TRMT61B: variants seen among roughly 807,000 people sequenced by gnomAD.
TRMT61B encodes the protein tRNA methyltransferase 61B.
A neutral mutation model predicts 52.0 loss-of-function variants in TRMT61B; 56 were observed. The observed-to-expected ratio is 1.08, with a 90% CI of 0.87 to 1.35. The LOEUF (loss-of-function observed/expected upper bound fraction) is 1.35, where lower values mean the gene tolerates loss of function less well. Among genes scored for constraint, TRMT61B ranks in the 40% most tolerant of loss-of-function variants. The probability of loss-of-function intolerance (pLI) is 0.00; values close to 1 mark genes in which losing one functional copy is unlikely to be tolerated. For synonymous variants in TRMT61B, 206 were observed against 220.0 expected, an observed-to-expected ratio of 0.94 and a Z score of 0.56; for missense variants, 650 against 577.9, an observed-to-expected ratio of 1.12 and a Z score of -1.28.
intron 2 of TRMT61B, among the ~76,000 whole-genome samples, chr2:28,862,713 G>A (rs548085267): frequency 4.6e-5 from 7 of 151,562 alleles, no homozygotes; most frequent in Admixed American, 1.3e-4. Context: ...ATTTGTGGCC[G>A]GATACAGTGG....
At position 28,870,283 on chromosome 2, in the gene TRMT61B, T is replaced by G. The variant is rs757120768; in HGVS notation, c.-6A>C. ...CGGCACCATGCCATTAGCATAGTGT[T>G]TCGCGAAGGCGCCGTCGCAGACGAG... On this transcript the variant is annotated 5_prime_UTR_variant, in exon 1 of 7. Transcript: ENST00000306108. 1 of 1,542,452 alleles carries G rather than the reference T, an allele frequency of 6.5e-7. No homozygotes were observed. The highest frequency in any genetic ancestry group is 1.4e-5 in the African/African-American group (1 of 72,834).
At position 28,851,053 on chromosome 2, in the gene TRMT61B, A is replaced by G. The variant is rs1350120913; in HGVS notation, c.1312+19T>C. ...TTCTCCATTCATTACTGCATGCATAAAGTAAAACTGAAGCTCACCATGGTC... is the reference window on the plus strand; with the variant it reads ...TTCTCCATTCATTACTGCATGCATAGAGTAAAACTGAAGCTCACCATGGTC... On this transcript the variant is annotated intron_variant, in intron 5 of 6. Transcript: ENST00000306108. 6.5e-7 allele frequency: 1 copy of G among 1,542,510 alleles called. No individual in the cohort carries two copies. The highest frequency in any genetic ancestry group is 8.8e-7 in the Non-Finnish European group (1 of 1,133,424).
In TRMT61B at chr2:28,865,923, C is replaced by T. The variant is rs188668470; in HGVS notation, c.700-804G>A. ...CTTGAACTCCTGACCTCAGGTGATC[C>T]GCTCGCCTCAGCCTCCCACAGTGCT... On this transcript the variant is annotated intron_variant, in intron 1 of 6. Coordinates refer to ENST00000306108, the MANE Select transcript of TRMT61B (RefSeq NM_017910.4). 3.5e-3 allele frequency among the ~76,000 whole-genome samples: 513 copies of T among 145,104 alleles called. 6 individuals are homozygous for T. The highest frequency in any genetic ancestry group is 0.012 in the African/African-American group (477 of 39,206).
chr2:28,853,964 A>G (rs1204113885), intron 3 of TRMT61B, among the ~76,000 whole-genome samples: 1 of 152,232 alleles, frequency 6.6e-6, no homozygotes, highest in Non-Finnish European at 1.5e-5. Context: ...AAATTAATTA[A>G]AAACAAAAAA....
In TRMT61B at chr2:28,851,241, T is replaced by C; in HGVS notation, c.1143A>G (p.Ser381=). ...CAATGACCTCGCTTATCTTTTCACA[T>C]GAAAGAGCAAGTTCACAGGTGCGAA... ...DGIRTCELAL[S]CEKISEVIVR... The change falls in exon 5 of 7, where the codon TCA becomes TCG. Residue 381 remains serine, a synonymous_variant. Coordinates refer to ENST00000306108, the MANE Select transcript of TRMT61B (RefSeq NM_017910.4). The C allele has an allele frequency of 6.2e-7, 1 of 1,613,872 alleles. No homozygotes were observed. Among genetic ancestry groups the C allele is most frequent in the East Asian group, 2.2e-5 (1 of 44,840 alleles).
intron 3 of TRMT61B, 78 bp from the exon 4 acceptor site, chr2:28,852,577 G>T: frequency 2.1e-6 from 2 of 954,720 alleles, no homozygotes; most frequent in Non-Finnish European, 3.3e-6. Flanking sequence ...GTGGTGAAAT[G>T]ACACACTTTT....
At chr2:28,859,966 A>G (rs1203338000) in intron 3 of TRMT61B, among the ~76,000 whole-genome samples, 2 of 152,114 alleles carry the variant, frequency 1.3e-5, no homozygotes, top group Non-Finnish European at 2.9e-5. Context: ...GCTGGAAGCC[A>G]GTGCTGATAA....
chr2:28,851,346 A>G, intron 4 of TRMT61B, 48 bp from the exon 5 acceptor site: 2 of 1,303,908 alleles, frequency 1.5e-6, no homozygotes, highest in Non-Finnish European at 2.1e-6. Flanking sequence ...TAATAACATT[A>G]TATTTATTTA....
chr2:28,857,902 C>T (rs1183822045), intron 3 of TRMT61B, among the ~76,000 whole-genome samples: 1 of 152,198 alleles, frequency 6.6e-6, no homozygotes, highest in Non-Finnish European at 1.5e-5. Flanking sequence ...GGTCATTTCA[C>T]ATATTCTCTT....
In TRMT61B at chr2:28,852,505, T is replaced by TA. The variant is rs745400859; in HGVS notation, c.994-7_994-6insT. Reference sequence around the variant, plus strand: ...TTTAACATATCCAAAGCTACCTGTGTGGGGGAAAAAGAGAACTGGATCAGT... The same window carrying TA: ...TTTAACATATCCAAAGCTACCTGTGTAGGGGGAAAAAGAGAACTGGATCAGT... On this transcript the variant is annotated splice_region_variant and splice_polypyrimidine_tract_variant and intron_variant, in intron 3 of 6. Transcript: ENST00000306108. The TA allele has an allele frequency of 1.0e-5, 16 of 1,586,832 alleles. No individual in the cohort carries two copies. The South Asian group carries it at 1.6e-4, about 16-fold the overall frequency.
Position 28,850,508 on chromosome 2 carries a change from C to A in TRMT61B, c.1313-103G>T, listed in dbSNP as rs1015343123. On this transcript the variant is annotated intron_variant, in intron 5 of 6. Transcript: ENST00000306108. ...TTACTCTCTTTATTGTAAGTTTTTT[C>A]TTTATTTATTTCCTTGCATATGTTT... 63 of 755,962 alleles carry A rather than the reference C, an allele frequency of 8.3e-5. No individual in the cohort carries two copies. The African/African-American group carries it at 1.1e-3, about 13-fold the overall frequency. The allele number at this position is 755,962 out of a possible 1,614,324, so 46.8% of individuals were successfully genotyped here.
At position 28,861,294 on chromosome 2, in the gene TRMT61B, G is replaced by A. The variant is rs115711774; in HGVS notation, c.817C>T (p.Arg273Ter). 134 of 1,582,694 alleles carry A rather than the reference G, an allele frequency of 8.5e-5. No homozygotes were observed. In the African/African-American group the frequency reaches 1.2e-3, roughly 15 times the overall value. The change falls in exon 3 of 7, where the codon CGA becomes TGA. Residue 273 changes from arginine (R) to a stop codon, truncating the protein, a stop_gained. Coordinates refer to ENST00000306108, the MANE Select transcript of TRMT61B (RefSeq NM_017910.4). LOFTEE classifies it high-confidence loss of function. The stretch of plus-strand genomic sequence containing the variant: ...TTTCGTACCTCAAAACTTATGACTC[G>A]TCCTTGTGATCCAACTTAAGTAAAA... ...FLSKAVGSQG[R>*]VISFEVRKDH...
rs551387938 is a variant in TRMT61B at position 28,869,856 on chromosome 2, G to C, written c.422C>G (p.Pro141Arg). 1.9e-6 allele frequency: 3 copies of C among 1,614,188 alleles called. No individual in the cohort carries two copies. Among genetic ancestry groups the C allele is most frequent in the Non-Finnish European group, 2.5e-6 (3 of 1,180,004 alleles). The change falls in exon 1 of 7, where the codon CCT (proline) becomes CGT (arginine). Residue 141 changes from proline to arginine, a missense_variant. Physicochemically the swap from Pro to Arg is moderately radical, Grantham distance 103. Transcript: ENST00000306108. ...TCTCTCTCTGGAAGTTGAACAAGAA[G>C]GGGAGACGTGACGCTCTTCGACCTC... The part of the protein sequence containing the change: ...ATEVEERHVS[P>R]SCSTSRERPF...
In TRMT61B at chr2:28,861,180, C is replaced by T; in HGVS notation, c.931G>A (p.Asp311Asn). The T allele has an allele frequency of 6.2e-7, 1 of 1,612,696 alleles. No homozygotes were observed. Among genetic ancestry groups the T allele is most frequent in the East Asian group, 2.2e-5 (1 of 44,848 alleles). The change falls in exon 3 of 7, where the codon GAT becomes AAT. Residue 311 changes from aspartate (D) to asparagine (N), a missense_variant. By Grantham distance (23) the Asp-to-Asn change is conservative (BLOSUM62 1). Coordinates refer to ENST00000306108, the MANE Select transcript of TRMT61B (RefSeq NM_017910.4). ...SHVEEWPDNV[D>N]FIHKDISGAT... Reference sequence around the variant, plus strand: ...CCTGAAATGTCCTTATGAATAAAATCCACATTGTCTGGCCACTCTTCTACA... The same window carrying T: ...CCTGAAATGTCCTTATGAATAAAATTCACATTGTCTGGCCACTCTTCTACA...
At chr2:28,862,530 C>T (rs534133840) in intron 2 of TRMT61B, among the ~76,000 whole-genome samples, 15 of 150,818 alleles carry the variant, frequency 9.9e-5, no homozygotes, top group Non-Finnish European at 2.2e-4. Flanking sequence ...GACAGGGTTT[C>T]GCCATGTTGC....
intron 3 of TRMT61B, among the ~76,000 whole-genome samples, chr2:28,859,181 G>A (rs1371273945): frequency 1.3e-5 from 2 of 152,094 alleles, no homozygotes; most frequent in Non-Finnish European, 1.5e-5. Context: ...CCGGGTTCAC[G>A]CCATTCTCCT....
intron 3 of TRMT61B, among the ~76,000 whole-genome samples, chr2:28,859,597 C>A (rs114416873): frequency 6.6e-6 from 1 of 151,658 alleles, no homozygotes; most frequent in South Asian, 2.1e-4. Flanking sequence ...GCAGCTGACA[C>A]CCCCTCTCCT....
intron 3 of TRMT61B, among the ~76,000 whole-genome samples, chr2:28,854,738 CAAAAAAAAAAAAAAAAAAAA>C (rs57513823): frequency 3.5e-5 from 3 of 86,412 alleles, no homozygotes; most frequent in South Asian, 3.9e-4. Flanking sequence ...GACTCCGTCT[CAAAAAAAAAAAAAAAAAAAA>C]AAAAAAAAAA....
Position 28,849,998 on chromosome 2 carries a change from A to C in TRMT61B, c.*201T>G. Reference sequence around the variant, plus strand: ...AACTACAAAATGTCAAACTAACTGCAAGACAAGTGTCAAAATGGGATGTTT... The same window carrying C: ...AACTACAAAATGTCAAACTAACTGCCAGACAAGTGTCAAAATGGGATGTTT... On this transcript the variant is annotated 3_prime_UTR_variant, in exon 7 of 7. Coordinates refer to ENST00000306108, the MANE Select transcript of TRMT61B (RefSeq NM_017910.4). The C allele has an allele frequency of 7.3e-7, 1 of 1,375,306 alleles. No individual in the cohort carries two copies. The highest frequency in any genetic ancestry group is 1.0e-6 in the Non-Finnish European group (1 of 984,836). 85.2% of individuals were successfully genotyped at this position (1,375,306 alleles called of 1,614,324 possible).
Sources: allele counts gnomAD v4.1 joint callset (sites outside exome capture counted in the v4.1 genomes callset), GRCh38; gene constraint gnomAD v4.1.1; transcripts MANE v1.5; gene names NCBI Gene and HGNC (gene_info 2026-07-23, HGNC 2026-07-21).